Variants in CSMD1 observed in about 807,000 individuals in gnomAD.
CSMD1 encodes CUB and Sushi multiple domains 1.
A neutral mutation model predicts 417.5 loss-of-function variants in CSMD1; 213 were observed. That is an observed-to-expected ratio of 0.51 (90% CI 0.46 to 0.57). The LOEUF (loss-of-function observed/expected upper bound fraction) is 0.57, where lower values mean the gene tolerates loss of function less well. CSMD1 is among the 20% of genes least tolerant of loss of function. The pLI, the probability that CSMD1 is intolerant of heterozygous loss-of-function variation, is 0.00. For synonymous variants in CSMD1, 2,862 were observed against 1,736.8 expected, an observed-to-expected ratio of 1.65 and a Z score of -16.11; for missense variants, 6,923 against 4,529.7, an observed-to-expected ratio of 1.53 and a Z score of -15.17.
At chr8:3,998,523 T>A (rs1221307297) in intron 4 of CSMD1, among the ~76,000 whole-genome samples, 1 of 152,234 alleles carries the variant, frequency 6.6e-6, no homozygotes, top group African/African-American at 2.4e-5. Context: ...GAGAATACTG[T>A]GCTCTTAAAA....
chr8:3,234,495 A>G (rs1177605147), intron 26 of CSMD1, among the ~76,000 whole-genome samples: 2 of 150,654 alleles, frequency 1.3e-5, no homozygotes, highest in Non-Finnish European at 3.0e-5. Flanking sequence ...GTGGAGATCT[A>G]GAAGAGAGTG....
intron 1 of CSMD1, among the ~76,000 whole-genome samples, chr8:4,782,056 T>C (rs1797177817): frequency 6.6e-6 from 1 of 152,178 alleles, no homozygotes; most frequent in South Asian, 2.1e-4. Flanking sequence ...TAAACACCAA[T>C]TATTTCAAAT....
intron 8 of CSMD1, among the ~76,000 whole-genome samples, chr8:3,594,938 G>C (rs1801022020): frequency 1.3e-5 from 2 of 152,188 alleles, no homozygotes; most frequent in African/African-American, 2.4e-5. Flanking sequence ...CAGGAATTCA[G>C]AACATCTCCT....
chr8:3,766,142 T>A (rs1008230639), intron 5 of CSMD1, among the ~76,000 whole-genome samples: 1 of 152,114 alleles, frequency 6.6e-6, no homozygotes, highest in African/African-American at 2.4e-5. Flanking sequence ...CCTGATGGCA[T>A]TTCTCTGTGG....
chr8:3,127,069 G>A (rs138268761), intron 41 of CSMD1, among the ~76,000 whole-genome samples: 74 of 152,276 alleles, frequency 4.9e-4, no homozygotes, highest in Middle Eastern at 6.8e-3. Context: ...TGATCTGCAG[G>A]GAGAACATCC....
intron 5 of CSMD1, among the ~76,000 whole-genome samples, chr8:3,871,850 C>T (rs1805501531): frequency 6.6e-6 from 1 of 152,064 alleles, no homozygotes; most frequent in South Asian, 2.1e-4. Context: ...AGCTTGTGAG[C>T]CAAGAACTCC....
intron 17 of CSMD1, among the ~76,000 whole-genome samples, chr8:3,389,685 T>C (rs1585092639): frequency 6.6e-6 from 1 of 151,432 alleles, no homozygotes; most frequent in African/African-American, 2.4e-5. Context: ...ATAATGAAAT[T>C]TATAAACCAT....
At chr8:3,029,781 A>C (rs1289856188) in intron 50 of CSMD1, among the ~76,000 whole-genome samples, 1 of 151,998 alleles carries the variant, frequency 6.6e-6, no homozygotes, top group Non-Finnish European at 1.5e-5. Flanking sequence ...CACTTCCACA[A>C]AAGTATATGG....
At chr8:3,488,199 C>A (rs955131287) in intron 11 of CSMD1, among the ~76,000 whole-genome samples, 9 of 151,880 alleles carry the variant, frequency 5.9e-5, no homozygotes, top group Non-Finnish European at 1.2e-4. Context: ...ATCTCCTGGG[C>A]ACAATCGACC....
chr8:4,554,884 G>A (rs1164062654), intron 2 of CSMD1, among the ~76,000 whole-genome samples: 2 of 152,108 alleles, frequency 1.3e-5, no homozygotes, highest in Non-Finnish European at 2.9e-5. Context: ...AGGCCCAGGT[G>A]GTGATGATGG....
intron 5 of CSMD1, among the ~76,000 whole-genome samples, chr8:3,987,971 C>T (rs1814463701): frequency 6.6e-6 from 1 of 152,178 alleles, no homozygotes; most frequent in Admixed American, 6.5e-5. Flanking sequence ...GGAAACTGCT[C>T]AACTTTTTAA....
At chr8:4,326,555 A>G (rs1329419473) in intron 3 of CSMD1, among the ~76,000 whole-genome samples, 2 of 152,242 alleles carry the variant, frequency 1.3e-5, no homozygotes, top group African/African-American at 4.8e-5. Context: ...GGCATAAAGG[A>G]AAGTGAACGT....
At chr8:4,410,868 G>A (rs2128934507) in intron 3 of CSMD1, among the ~76,000 whole-genome samples, 1 of 152,258 alleles carries the variant, frequency 6.6e-6, no homozygotes, top group African/African-American at 2.4e-5. Context: ...TAATAAGTTT[G>A]GAAGGAGGAG....
intron 1 of CSMD1, among the ~76,000 whole-genome samples, chr8:4,753,369 C>T (rs1811462012): frequency 6.6e-6 from 1 of 151,248 alleles, no homozygotes; most frequent in African/African-American, 2.4e-5. Flanking sequence ...ATTGTAAGGT[C>T]TGTTTTTGTC....
chr8:3,770,421 C>T (rs757285398), intron 5 of CSMD1, among the ~76,000 whole-genome samples: 12 of 152,148 alleles, frequency 7.9e-5, no homozygotes, highest in South Asian at 2.1e-4. Context: ...TCCAGCTACT[C>T]GAGAGGCTGA....
chr8:4,597,557 T>G (rs998077113), intron 2 of CSMD1, among the ~76,000 whole-genome samples: 8 of 151,778 alleles, frequency 5.3e-5, no homozygotes, highest in African/African-American at 1.9e-4. Flanking sequence ...AAAACTTATT[T>G]CCCAAAACAA....
At chr8:4,300,403 AC>A (rs1204641993) in intron 3 of CSMD1, among the ~76,000 whole-genome samples, 1 of 152,186 alleles carries the variant, frequency 6.6e-6, no homozygotes, top group Admixed American at 6.5e-5. Flanking sequence ...ACCTCAAGAC[AC>A]TTTTGTAAGC....
At chr8:4,585,582 T>C (rs1327716129) in intron 2 of CSMD1, among the ~76,000 whole-genome samples, 1 of 152,040 alleles carries the variant, frequency 6.6e-6, no homozygotes, top group East Asian at 1.9e-4. Flanking sequence ...AGAATTCAGA[T>C]GAAAGAAACC....
intron 8 of CSMD1, chr8:3,598,321 G>A (rs906206513): frequency 6.6e-6 from 1 of 152,196 alleles, no homozygotes; most frequent in African/African-American, 2.4e-5. Flanking sequence ...CCTCTATGTA[G>A]TTATGCATTT....
Sources: gnomAD v4.1 joint callset for allele counts (sites outside exome capture counted in the v4.1 genomes callset) on GRCh38, gnomAD v4.1.1 for gene constraint, MANE v1.5 for transcripts, NCBI Gene and HGNC (gene_info 2026-07-23, HGNC 2026-07-21) for gene names.